IL1RAP: variants seen among roughly 807,000 people sequenced by gnomAD.
IL1RAP encodes interleukin 1 receptor accessory protein.
A neutral mutation model predicts 60.7 loss-of-function variants in IL1RAP; 35 were observed. That is an observed-to-expected ratio of 0.58 (90% CI 0.44 to 0.76). The LOEUF is 0.76. IL1RAP is among the 30% of genes least tolerant of loss of function. IL1RAP has a pLI of 0.00. For missense variants in IL1RAP, 572 were observed against 693.9 expected (o/e 0.82, Z 1.97); for synonymous variants, 268 against 250.9 (o/e 1.07, Z -0.64).
intron 1 of IL1RAP, among the ~76,000 whole-genome samples, chr3:190,514,667 C>T (rs1721347404): frequency 6.6e-6 from 1 of 152,180 alleles, no homozygotes; most frequent in Admixed American, 6.5e-5. Context: ...AGAGCTGTGA[C>T]AGCCTGGGAA....
exon 12 of IL1RAP, chr3:190,656,668 G>A: frequency 1.0e-6 from 1 of 992,022 alleles, no homozygotes; most frequent in Non-Finnish European, 1.4e-6. Context: ...TCATGAACCT[G>A]TGGGAAAATC....
intron 3 of IL1RAP, among the ~76,000 whole-genome samples, chr3:190,584,772 T>C (rs560798742): frequency 6.6e-6 from 1 of 152,354 alleles, no homozygotes; most frequent in South Asian, 2.1e-4. Context: ...AGCTGATTTG[T>C]GGCTTGTCTT....
chr3:190,648,846 G>T lies in IL1RAP; in HGVS notation c.*141G>T. ...ATAGGGATAAATTTAGGGTGACTGTGTGGCTGACTATTCTGCTTCCTCAGG... is the reference window on the plus strand; with the variant it reads ...ATAGGGATAAATTTAGGGTGACTGTTTGGCTGACTATTCTGCTTCCTCAGG... On this transcript the variant is annotated 3_prime_UTR_variant, in exon 12 of 12. Coordinates refer to ENST00000447382, the MANE Select transcript of IL1RAP (RefSeq NM_002182.4). 7.0e-7 allele frequency: 1 copy of T among 1,430,012 alleles called. No individual in the cohort carries two copies. The allele number at this position is 1,430,012 out of a possible 1,614,324, so 88.6% of individuals were successfully genotyped here. A position where few individuals can be genotyped will look rare whatever the true frequency, so the allele number is the denominator to read the frequency against.
chr3:190,583,150 T>C (rs1236632268), intron 3 of IL1RAP, among the ~76,000 whole-genome samples: 1 of 152,208 alleles, frequency 6.6e-6, no homozygotes, highest in Non-Finnish European at 1.5e-5. Context: ...GCAATTGTTG[T>C]TAATTGGGTA....
intron 5 of IL1RAP, 123 bp downstream of exon 5, chr3:190,609,304 AGCTT>A: frequency 4.4e-5 from 27 of 619,450 alleles, no homozygotes; most frequent in Admixed American, 1.4e-4. Flanking sequence ...ATTCCGTAAT[AGCTT>A]TATGGAAGTA....
intron 3 of IL1RAP, among the ~76,000 whole-genome samples, chr3:190,584,318 G>A (rs10804927): frequency 0.35 from 53,210 of 151,790 alleles, 9,539 homozygotes; most frequent in East Asian, 0.51. Flanking sequence ...TTATGATTAA[G>A]GCTGCTGTAA....
intron 3 of IL1RAP, among the ~76,000 whole-genome samples, chr3:190,603,824 G>GA (rs1261990304): frequency 6.6e-6 from 1 of 152,118 alleles, no homozygotes; most frequent in East Asian, 1.9e-4. Context: ...TCCACAAAGT[G>GA]AAAAAACACT....
At chr3:190,591,957 A>AT (rs911262163) in intron 3 of IL1RAP, among the ~76,000 whole-genome samples, 5 of 151,988 alleles carry the variant, frequency 3.3e-5, no homozygotes, top group East Asian at 1.9e-4. Context: ...CATTACAGTA[A>AT]TTTTTTTTAA....
At chr3:190,630,254 A>G in intron 9 of IL1RAP, 1 of 861,508 alleles carries the variant, frequency 1.2e-6, no homozygotes, top group Non-Finnish European at 1.4e-6. Flanking sequence ...TGGAAATTAT[A>G]AAGCCTTCTT....
chr3:190,628,478 T>C (rs566304854), intron 8 of IL1RAP, among the ~76,000 whole-genome samples: 3 of 152,154 alleles, frequency 2.0e-5, no homozygotes, highest in Non-Finnish European at 4.4e-5. Flanking sequence ...TTCTCATACC[T>C]GACAGTAAGC....
intron 3 of IL1RAP, among the ~76,000 whole-genome samples, chr3:190,566,619 TG>T (rs1726426772): frequency 6.6e-6 from 1 of 152,130 alleles, no homozygotes; most frequent in Non-Finnish European, 1.5e-5. Flanking sequence ...TGCGTCACCG[TG>T]GGAGCAGGAA....
At chr3:190,634,640 C>CT (rs1174171949) in intron 9 of IL1RAP, among the ~76,000 whole-genome samples, 2 of 151,722 alleles carry the variant, frequency 1.3e-5, no homozygotes, top group East Asian at 3.9e-4. Flanking sequence ...ATGTGAAAGC[C>CT]TATGGGTAAA....
chr3:190,656,254 C>T, downstream of IL1RAP: 1 of 1,537,178 alleles, frequency 6.5e-7, no homozygotes, highest in Non-Finnish European at 8.7e-7. Context: ...GGATCACGTT[C>T]AAAGGAGGAG....
In IL1RAP at chr3:190,649,017, A is replaced by T; in HGVS notation, c.*312A>T. On this transcript the variant is annotated 3_prime_UTR_variant, in exon 12 of 12. Transcript: ENST00000447382. ...TTTTTATATGTCTCCATTCTTTTTA[A>T]AATCTTAACATATGGAGCAGCCTTT... 1.9e-6 allele frequency: 2 copies of T among 1,038,886 alleles called. No homozygotes were observed. Among genetic ancestry groups the T allele is most frequent in the Non-Finnish European group, 2.3e-6 (2 of 865,166 alleles). 64.4% of individuals were successfully genotyped at this position (1,038,886 alleles called of 1,614,324 possible). A position where few individuals can be genotyped will look rare whatever the true frequency, so the allele number is the denominator to read the frequency against.
At chr3:190,573,578 G>A (rs1727189256) in intron 3 of IL1RAP, among the ~76,000 whole-genome samples, 1 of 152,214 alleles carries the variant, frequency 6.6e-6, no homozygotes, top group East Asian at 1.9e-4. Context: ...AGTGAAGACG[G>A]GGTTGGTTGT....
rs374302086 is a variant in IL1RAP, at chr3:190,633,517, C to T, written c.1051+4019C>T. Among the ~76,000 whole-genome samples the T allele has an allele frequency of 2.6e-3, 392 of 152,062 alleles. 1 individual carries two copies. The highest frequency in any genetic ancestry group is 8.5e-3 in the African/African-American group (351 of 41,486). On this transcript the variant is annotated intron_variant, in intron 9 of 11. Coordinates refer to ENST00000447382, the MANE Select transcript of IL1RAP (RefSeq NM_002182.4). ...GATTACAGGTCCCCACTACCATACCCGGCTAATTTTTATAGTTTTAGTAGA... is the reference window on the plus strand; with the variant it reads ...GATTACAGGTCCCCACTACCATACCTGGCTAATTTTTATAGTTTTAGTAGA...
intron 3 of IL1RAP, among the ~76,000 whole-genome samples, chr3:190,588,205 C>T (rs1177250367): frequency 6.6e-6 from 1 of 152,196 alleles, no homozygotes; most frequent in African/African-American, 2.4e-5. Context: ...CCTCTGCCTC[C>T]TGGGTTCAAG....
chr3:190,655,816 G>T (rs977467011), downstream of IL1RAP: 1 of 1,090,828 alleles, frequency 9.2e-7, no homozygotes, highest in Non-Finnish European at 1.3e-6. Context: ...GTCCTCTGGA[G>T]GATGGACAAT....
rs189015309 is a variant in IL1RAP at position 190,564,472 on chromosome 3, C to T, written c.64+119C>T. 732 of 722,242 alleles carry T rather than the reference C, an allele frequency of 1.0e-3. 3 individuals carry two copies. The highest frequency in any genetic ancestry group is 3.6e-3 in the South Asian group (239 of 66,966). 44.7% of individuals were successfully genotyped at this position (722,242 alleles called of 1,614,324 possible). On this transcript the variant is annotated intron_variant, in intron 3 of 11. Coordinates refer to ENST00000447382, the MANE Select transcript of IL1RAP (RefSeq NM_002182.4). The stretch of plus-strand genomic sequence containing the variant: ...TGTTATTCATGTCCATTGTCTTCTG[C>T]GGTAGCAAATAATCATAAAGCAGAA...
Sources: allele counts gnomAD v4.1 joint callset (sites outside exome capture counted in the v4.1 genomes callset), GRCh38; gene constraint gnomAD v4.1.1; transcripts MANE v1.5; gene names NCBI Gene and HGNC (gene_info 2026-07-23, HGNC 2026-07-21).